SLC4A8: variants seen among roughly 807,000 people sequenced by gnomAD.
SLC4A8 encodes solute carrier family 4 member 8, also known as electroneutral sodium bicarbonate exchanger 1.
Under a neutral mutation model 125.0 loss-of-function variants are expected in SLC4A8, and 40 were observed. That is an observed-to-expected ratio of 0.32 (90% CI 0.25 to 0.42). SLC4A8 has a LOEUF of 0.42. Among genes scored for constraint, SLC4A8 ranks in the 10% least tolerant of loss-of-function variants. The pLI is 1.00. For synonymous variants in SLC4A8, 456 were observed against 476.0 expected (o/e 0.96, Z 0.55); for missense variants, 863 against 1,355.1 (o/e 0.64, Z 5.70).
chr12:51,424,960 C>T lies in SLC4A8; in HGVS notation c.-28C>T. 1 of 1,550,286 alleles carries T rather than the reference C, an allele frequency of 6.5e-7. No homozygotes were observed. Among genetic ancestry groups the T allele is most frequent in the Non-Finnish European group, 8.7e-7 (1 of 1,146,872 alleles). Reference sequence around the variant, plus strand: ...GGCTGCTGATGCTTGGCTTGGAGCCCGTGGGGGAGACCTAGTTCGGCTCCG... The same window carrying T: ...GGCTGCTGATGCTTGGCTTGGAGCCTGTGGGGGAGACCTAGTTCGGCTCCG... On this transcript the variant is annotated 5_prime_UTR_variant, in exon 1 of 25. Transcript: ENST00000453097.
intron 1 of SLC4A8, among the ~76,000 whole-genome samples, chr12:51,416,590 C>A (rs1249396721): frequency 6.6e-6 from 1 of 152,046 alleles, no homozygotes; most frequent in Non-Finnish European, 1.5e-5. Flanking sequence ...TTGTGGTGAG[C>A]CAAAATAGTG....
chr12:51,496,470 G>C lies in SLC4A8; in HGVS notation c.2944-517G>C, dbSNP rs542503636. On this transcript the variant is annotated intron_variant, in intron 21 of 24. Coordinates refer to ENST00000453097, the MANE Select transcript of SLC4A8 (RefSeq NM_001039960.3). The stretch of plus-strand genomic sequence containing the variant: ...GCCTCAGTTTCCTCATTTATAAAGC[G>C]AGTGTCAGGCCAGGCCAGAGGGCAA... Among the ~76,000 whole-genome samples the C allele has an allele frequency of 4.6e-5, 7 of 152,314 alleles. No homozygotes were observed. The East Asian group carries it at 1.3e-3, about 29-fold the overall frequency.
At chr12:51,423,615 T>C (rs1027362042), upstream of SLC4A8, among the ~76,000 whole-genome samples, 1 of 152,218 alleles carries the variant, frequency 6.6e-6, no homozygotes, top group African/African-American at 2.4e-5. Flanking sequence ...TGGAAAGTTT[T>C]AACATGTATC....
At chr12:51,449,849 C>T (rs549423219) in intron 2 of SLC4A8, among the ~76,000 whole-genome samples, 26 of 152,124 alleles carry the variant, frequency 1.7e-4, no homozygotes, top group South Asian at 1.5e-3. Context: ...GGCAACGTGG[C>T]GAGACCCCAT....
intron 19 of SLC4A8, among the ~76,000 whole-genome samples, chr12:51,492,062 A>G (rs1374620895): frequency 1.3e-5 from 2 of 152,192 alleles, no homozygotes; most frequent in Non-Finnish European, 2.9e-5. Context: ...AGTGGCTAGT[A>G]TGAGAAGTGG....
intron 1 of SLC4A8, among the ~76,000 whole-genome samples, chr12:51,409,283 C>T (rs1198026836): frequency 6.6e-6 from 1 of 152,110 alleles, no homozygotes; most frequent in Non-Finnish European, 1.5e-5. Context: ...ATTTTAATGA[C>T]TTTTTTTCTT....
rs35694156 is a variant in SLC4A8, at chr12:51,491,740, G to GACACACACACACAC, written c.2700+1814_2700+1827dup. Among the ~76,000 whole-genome samples the GACACACACACACAC allele has an allele frequency of 2.7e-3, 389 of 146,006 alleles. 4 individuals are homozygous for GACACACACACACAC. The East Asian group carries it at 0.03, about 11-fold the overall frequency. On this transcript the variant is annotated intron_variant, in intron 19 of 24. Coordinates refer to ENST00000453097, the MANE Select transcript of SLC4A8 (RefSeq NM_001039960.3). ...CTCCACCCCTGTCTGGGGATGGGCA[G>GACACACACACACAC]ACACACACACACACACACACACACA...
intron 1 of SLC4A8, among the ~76,000 whole-genome samples, chr12:51,436,829 G>A (rs962946228): frequency 7.9e-5 from 12 of 152,096 alleles, no homozygotes; most frequent in African/African-American, 2.7e-4. Context: ...GTTTCACCAT[G>A]TTGGCCAGGC....
At chr12:51,440,247 G>A (rs1272636875) in intron 1 of SLC4A8, among the ~76,000 whole-genome samples, 1 of 152,086 alleles carries the variant, frequency 6.6e-6, no homozygotes, top group Non-Finnish European at 1.5e-5. Flanking sequence ...GGTGGAAAAG[G>A]CATGAGATTT....
At chr12:51,413,523 T>A (rs113052390) in intron 1 of SLC4A8, among the ~76,000 whole-genome samples, 1 of 152,236 alleles carries the variant, frequency 6.6e-6, no homozygotes, top group African/African-American at 2.4e-5. Flanking sequence ...CCTGTATGTT[T>A]TCTTCTAGTA....
chr12:51,436,915 C>T (rs1041400812), intron 1 of SLC4A8, among the ~76,000 whole-genome samples: 1 of 152,202 alleles, frequency 6.6e-6, no homozygotes, highest in African/African-American at 2.4e-5. Context: ...GCATGAGCCA[C>T]TGCAGTCATC....
chr12:51,474,709 C>A, intron 15 of SLC4A8: 1 of 582,820 alleles, frequency 1.7e-6, no homozygotes, highest in African/African-American at 1.8e-5. Flanking sequence ...TGAAACCATG[C>A]AGGACAGGGG....
At chr12:51,420,237 A>C (rs1948758413), upstream of SLC4A8, 1 of 152,160 alleles carries the variant, frequency 6.6e-6, no homozygotes. Flanking sequence ...GAGAAATAAA[A>C]ATCAGGTATA....
In SLC4A8 at chr12:51,510,955, A is replaced by G. The variant is rs1055862314; in HGVS notation, c.*3517A>G. The G allele has an allele frequency of 3.3e-5, 5 of 152,224 alleles. No individual in the cohort carries two copies. The highest frequency in any genetic ancestry group is 5.9e-5 in the Non-Finnish European group (4 of 68,062). 9.4% of individuals were successfully genotyped at this position (152,224 alleles called of 1,614,324 possible). ...GTGAGGTTCGATTTTTTAAAAATCCATGGGTCCCTATGGACTGTCACCTGT... is the reference window on the plus strand; with the variant it reads ...GTGAGGTTCGATTTTTTAAAAATCCGTGGGTCCCTATGGACTGTCACCTGT... On this transcript the variant is annotated 3_prime_UTR_variant, in exon 25 of 25. Transcript: ENST00000453097.
chr12:51,474,252 T>G, intron 14 of SLC4A8, 90 bp from the exon 15 acceptor site: 1 of 786,334 alleles, frequency 1.3e-6, no homozygotes, highest in South Asian at 2.0e-5. Flanking sequence ...GCAAGGCAGC[T>G]CCTGACAGCC....
rs1050292095 is a variant in SLC4A8, at chr12:51,485,838, G to A, written c.2224G>A (p.Val742Met). Reference protein sequence around the residue: ...FAVFLTIFTMVIIDFLIGVPS... With the variant: ...FAVFLTIFTMMIIDFLIGVPS... ...TGTTTTCCTCACTATCTTCACAATGGTGATTATTGATTTTTTGATTGGAGT... is the reference window on the plus strand; with the variant it reads ...TGTTTTCCTCACTATCTTCACAATGATGATTATTGATTTTTTGATTGGAGT... The change falls in exon 17 of 25, where the codon GTG becomes ATG. Residue 742 changes from valine (V) to methionine (M), a missense_variant. Physicochemically the swap from Val to Met is conservative, Grantham distance 21. This residue lies in a region of SLC4A8 where 197 missense variants were observed against 377.7 expected (regional missense o/e 0.52). Coordinates refer to ENST00000453097, the MANE Select transcript of SLC4A8 (RefSeq NM_001039960.3). 9 of 1,613,654 alleles carry A rather than the reference G, an allele frequency of 5.6e-6. No individual in the cohort carries two copies. Among genetic ancestry groups the A allele is most frequent in the Non-Finnish European group, 7.6e-6 (9 of 1,179,738 alleles).
intron 16 of SLC4A8, among the ~76,000 whole-genome samples, chr12:51,481,125 C>T (rs1951015867): frequency 6.6e-6 from 1 of 152,186 alleles, no homozygotes; most frequent in Non-Finnish European, 1.5e-5. Context: ...TAGGGTCAGA[C>T]ATGTGAAATG....
intron 22 of SLC4A8, among the ~76,000 whole-genome samples, chr12:51,503,317 C>T (rs1248897715): frequency 1.3e-5 from 2 of 151,472 alleles, no homozygotes; most frequent in South Asian, 2.1e-4. Flanking sequence ...CTCCGACTCC[C>T]GGGTTCACGC....
chr12:51,405,547 A>G (rs976758534), intron 1 of SLC4A8, among the ~76,000 whole-genome samples: 5 of 152,052 alleles, frequency 3.3e-5, no homozygotes, highest in African/African-American at 1.2e-4. Flanking sequence ...ATGTTCATCT[A>G]TGGCCATTTT....
Sources: gnomAD v4.1 joint callset for allele counts (sites outside exome capture counted in the v4.1 genomes callset) on GRCh38, gnomAD v4.1.1 for gene constraint, gnomAD v4.1.1 regional missense constraint, MANE v1.5 for transcripts, NCBI Gene and HGNC (gene_info 2026-07-23, HGNC 2026-07-21) for gene names.